The following IQSEC2 variants were observed in gnomAD, a reference collection of about 807,000 sequenced individuals.
IQSEC2 encodes the protein IQ motif and SEC7 domain-containing protein 2.
Under a neutral mutation model 74.6 loss-of-function variants are expected in IQSEC2, and 6 were observed. The ratio of observed to expected loss-of-function variants is 0.08; its 90% CI spans 0.04 to 0.16. IQSEC2 has a LOEUF of 0.16. Among genes scored for constraint, IQSEC2 ranks in the 10% least tolerant of loss-of-function variants. The pLI is 1.00. For missense variants in IQSEC2, 734 were observed against 1,306.2 expected (o/e 0.56, Z 6.75); for synonymous variants, 494 against 544.5 (o/e 0.91, Z 1.29).
At position 53,234,369 on chromosome X, in the gene IQSEC2, G is replaced by T. The variant is rs1216934275; in HGVS notation, c.4317C>A (p.Pro1439=). 2.2e-6 allele frequency: 1 copy of T among 456,334 alleles called. No individual in the cohort carries two copies. 37.6% of individuals were successfully genotyped at this position (456,334 alleles called of 1,213,427 possible). A position where few individuals can be genotyped will look rare whatever the true frequency, so the allele number is the denominator to read the frequency against. ...GGGTGTGAGGGGAGGGTGGGGGGAG[G>T]GGTGGATAGGAGGGGTGGGGTGGGA... ...SPIPPHPSYP[P]LPPPSPHTPH... The change falls in exon 15 of 15, where the codon CCC becomes CCA. Residue 1439 remains proline (P), a synonymous_variant. Coordinates refer to ENST00000642864, the MANE Select transcript of IQSEC2 (RefSeq NM_001111125.3).
intron 1 of IQSEC2, among the ~76,000 whole-genome samples, chrX:53,319,158 C>T (rs2075405209): frequency 8.9e-6 from 1 of 112,272 alleles, no homozygotes; most frequent in African/African-American, 3.2e-5. Context: ...CGGCAGATTT[C>T]CTGAGGCAGA....
chrX:53,242,096 C>A (rs979331628), intron 9 of IQSEC2, among the ~76,000 whole-genome samples, 187 bp from the exon 10 acceptor site: 2 of 111,929 alleles, frequency 1.8e-5, no homozygotes, highest in African/African-American at 6.5e-5. Context: ...TCTGGAATGT[C>A]TTTCTTGCCC....
At chrX:53,269,968 C>T (rs1602316240) in intron 2 of IQSEC2, among the ~76,000 whole-genome samples, 1 of 110,596 alleles carries the variant, frequency 9.0e-6, no homozygotes. Context: ...TTCCCCTTCC[C>T]AATTCTGCTC....
At chrX:53,243,520 G>A (rs2074257082) in intron 8 of IQSEC2, 49 bp from the exon 9 acceptor site, 2 of 1,119,193 alleles carry the variant, frequency 1.8e-6, no homozygotes, top group Non-Finnish European at 2.4e-6. Context: ...ATGGGCACTG[G>A]GTGGTAGGGG....
In IQSEC2 at chrX:53,238,038, T is replaced by G. The variant is rs782542535; in HGVS notation, c.3277+107A>C. 181 of 916,526 alleles carry G rather than the reference T, an allele frequency of 2.0e-4. No homozygotes were observed. The African/African-American group carries it at 2.8e-3, about 14-fold the overall frequency. The allele number at this position is 916,526 out of a possible 1,213,427, so 75.5% of individuals were successfully genotyped here. A position where few individuals can be genotyped will look rare whatever the true frequency, so the allele number is the denominator to read the frequency against. On this transcript the variant is annotated intron_variant, in intron 12 of 14. Coordinates refer to ENST00000642864, the MANE Select transcript of IQSEC2 (RefSeq NM_001111125.3). ...AATTCTTGAAATGAGGATGGGAAGG[T>G]TGGACAAGCTAACCCTCAACTCTGA...
intron 2 of IQSEC2, among the ~76,000 whole-genome samples, chrX:53,260,029 G>A (rs1246804292): frequency 3.6e-5 from 4 of 111,740 alleles, no homozygotes; most frequent in African/African-American, 1.3e-4. Flanking sequence ...GGGACCCAGA[G>A]AATGGTCTCA....
At chrX:53,260,208 G>A (rs2074548454) in intron 2 of IQSEC2, among the ~76,000 whole-genome samples, 1 of 112,137 alleles carries the variant, frequency 8.9e-6, no homozygotes, top group Non-Finnish European at 1.9e-5. Context: ...TGGCATATAA[G>A]CAGAGTGCTG....
intron 12 of IQSEC2, chrX:53,237,701 AGAT>A (rs1355913535): frequency 5.7e-6 from 1 of 176,369 alleles, no homozygotes; most frequent in Non-Finnish European, 1.1e-5. Context: ...TGAATGCCTA[AGAT>A]GTGTTGGGAC....
intron 4 of IQSEC2, among the ~76,000 whole-genome samples, chrX:53,252,249 C>T (rs1270624874): frequency 5.5e-5 from 6 of 109,150 alleles, no homozygotes; most frequent in Admixed American, 9.8e-5. Flanking sequence ...TTAGTAGAGA[C>T]GGGGTTTCGC....
At chrX:53,261,402 A>G (rs1338949524) in intron 2 of IQSEC2, among the ~76,000 whole-genome samples, 1 of 108,334 alleles carries the variant, frequency 9.2e-6, no homozygotes, top group African/African-American at 3.4e-5. Flanking sequence ...AGCAAAACCA[A>G]CTCCCTCTTT....
downstream of IQSEC2, chrX:53,229,678 G>A (rs908524391): frequency 9.0e-6 from 1 of 110,616 alleles, no homozygotes; most frequent in Non-Finnish European, 1.9e-5. Context: ...CTGGGCAATG[G>A]ATGAGACCCT....
chrX:53,279,737 C>T, intron 2 of IQSEC2: 1 of 588,567 alleles, frequency 1.7e-6, no homozygotes, highest in South Asian at 2.4e-5. Flanking sequence ...GCGATGGGGG[C>T]AAGAAGGTGA....
chrX:53,255,005 C>T, intron 3 of IQSEC2, 74 bp from the exon 4 acceptor site: 1 of 1,039,711 alleles, frequency 9.6e-7, no homozygotes, highest in African/African-American at 1.8e-5. Context: ...CTCAACCACA[C>T]CACCCCCACT....
Position 53,242,034 on chromosome X carries a change from G to A in IQSEC2, c.2890-125C>T, listed in dbSNP as rs868913403. ...CATGTGTGTCACTCTGACACAAGGG[G>A]TATCAGCAACTAAGACCTAAACTTA... On this transcript the variant is annotated intron_variant, in intron 9 of 14. Coordinates refer to ENST00000642864, the MANE Select transcript of IQSEC2 (RefSeq NM_001111125.3). The A allele has an allele frequency of 1.4e-4, 119 of 856,241 alleles. 2 individuals carry two copies. The Middle Eastern group carries it at 1.6e-3, about 12-fold the overall frequency. The allele number at this position is 856,241 out of a possible 1,213,427, so 70.6% of individuals were successfully genotyped here. A position where few individuals can be genotyped will look rare whatever the true frequency, so the allele number is the denominator to read the frequency against.
chrX:53,275,324 G>A (rs782132790), intron 2 of IQSEC2, among the ~76,000 whole-genome samples: 47 of 110,603 alleles, frequency 4.2e-4, no homozygotes, highest in Non-Finnish European at 7.8e-4. Context: ...CACCAGGCCC[G>A]GCTAATTTTT....
intron 2 of IQSEC2, among the ~76,000 whole-genome samples, chrX:53,270,909 C>T (rs781846352): frequency 4.5e-5 from 5 of 111,353 alleles, no homozygotes; most frequent in South Asian, 3.8e-4. Context: ...TCTATGCCCA[C>T]GACCTTGGCT....
chrX:53,261,598 C>G (rs1297495820), intron 2 of IQSEC2, among the ~76,000 whole-genome samples: 3 of 109,546 alleles, frequency 2.7e-5, no homozygotes, highest in African/African-American at 1.0e-4. Context: ...AAAAACACAT[C>G]CACAGACACA....
At chrX:53,296,209 A>T (rs782566495) in intron 1 of IQSEC2, among the ~76,000 whole-genome samples, 32 of 109,783 alleles carry the variant, frequency 2.9e-4, no homozygotes, top group Non-Finnish European at 5.7e-4. Context: ...CTAATTCTGT[A>T]TTTTTAGTAG....
intron 2 of IQSEC2, among the ~76,000 whole-genome samples, chrX:53,270,717 T>C (rs1380270462): frequency 8.9e-6 from 1 of 112,359 alleles, no homozygotes; most frequent in Non-Finnish European, 1.9e-5. Flanking sequence ...CCTAACACAG[T>C]GCCTGGCATT....
Sources: allele counts gnomAD v4.1 joint callset (sites outside exome capture counted in the v4.1 genomes callset), GRCh38; gene constraint gnomAD v4.1.1; transcripts MANE v1.5; gene names NCBI Gene and HGNC (gene_info 2026-07-23, HGNC 2026-07-21).